Variants in MSN observed in about 807,000 individuals in gnomAD.
MSN encodes epididymis luminal protein 70.
Under a neutral mutation model 48.0 loss-of-function variants are expected in MSN, and 2 were observed. The ratio of observed to expected loss-of-function variants is 0.04; its 90% CI spans 0.02 to 0.13. The LOEUF is 0.13. Among genes scored for constraint, MSN ranks in the 10% least tolerant of loss-of-function variants. MSN has a pLI of 1.00. For synonymous variants in MSN, 146 were observed against 166.9 expected (o/e 0.87, Z 0.97); for missense variants, 267 against 470.1 (o/e 0.57, Z 3.99).
intron 1 of MSN, among the ~76,000 whole-genome samples, chrX:65,611,061 C>T (rs779557299): frequency 9.0e-6 from 1 of 111,584 alleles, no homozygotes; most frequent in Non-Finnish European, 1.9e-5. Context: ...CCTAGGGAAA[C>T]CATAATTTTT....
chrX:65,693,031 G>A (rs756537527), intron 1 of MSN, among the ~76,000 whole-genome samples: 15 of 112,004 alleles, frequency 1.3e-4, no homozygotes, highest in Non-Finnish European at 2.3e-4. Flanking sequence ...CTGTGCTTTA[G>A]ACTGCCAATT....
At chrX:65,649,075 C>T (rs1048817762) in intron 1 of MSN, among the ~76,000 whole-genome samples, 5 of 107,961 alleles carry the variant, frequency 4.6e-5, no homozygotes, top group African/African-American at 1.7e-4. Context: ...CAACTTACTA[C>T]TTCTTTTTAC....
chrX:65,642,362 T>A (rs1042495000), intron 1 of MSN, among the ~76,000 whole-genome samples: 7 of 109,076 alleles, frequency 6.4e-5, no homozygotes, highest in Non-Finnish European at 1.1e-4. Flanking sequence ...TGTGTGTGTG[T>A]GTGTGTGTGT....
chrX:65,700,513 A>G (rs949241999), intron 1 of MSN, among the ~76,000 whole-genome samples: 2 of 111,615 alleles, frequency 1.8e-5, no homozygotes, highest in Middle Eastern at 4.6e-3. Context: ...ACTGGGCACA[A>G]TTAGGTGCCC....
chrX:65,637,097 A>T (rs2070610325), intron 1 of MSN, among the ~76,000 whole-genome samples: 1 of 105,670 alleles, frequency 9.5e-6, no homozygotes, highest in Non-Finnish European at 1.9e-5. Flanking sequence ...CTCAAAAAAA[A>T]AAAAAAGAAA....
intron 1 of MSN, chrX:65,588,696 G>A: frequency 9.8e-6 from 7 of 711,606 alleles, no homozygotes; most frequent in Non-Finnish European, 1.2e-5. Context: ...TTGCCCTCAG[G>A]GACAAACATG....
chrX:65,649,631 GT>G (rs2070725141), intron 1 of MSN, among the ~76,000 whole-genome samples: 1 of 103,969 alleles, frequency 9.6e-6, no homozygotes, highest in Non-Finnish European at 2.0e-5. Context: ...GTGTATGCGC[GT>G]GTGTATATGT....
rs768602334 is a variant in MSN, at chrX:65,596,663, C to T, written c.-22+8051C>T. 2.5e-3 allele frequency among the ~76,000 whole-genome samples: 257 copies of T among 103,825 alleles called. 2 individuals carry two copies. The highest frequency in any genetic ancestry group is 5.2e-3 in the Admixed American group (50 of 9,614). 90.2% of individuals were successfully genotyped at this position (103,825 alleles called of 115,157 possible). On this transcript the variant is annotated intron_variant, in intron 1 of 3. Coordinates refer to the MSN transcript ENST00000609672. Reference sequence around the variant, plus strand: ...GAGCCAGATGAGGCAGATACCATTACCTCTTCTTTTATAAAGAAGAAACTC... The same window carrying T: ...GAGCCAGATGAGGCAGATACCATTATCTCTTCTTTTATAAAGAAGAAACTC...
intron 1 of MSN, among the ~76,000 whole-genome samples, chrX:65,691,686 A>G (rs946280318): frequency 9.0e-6 from 1 of 110,911 alleles, no homozygotes; most frequent in Non-Finnish European, 1.9e-5. Context: ...TTGTATTTTT[A>G]GTAGAGATGG....
chrX:65,718,556 G>A (rs1221153358), intron 2 of MSN, among the ~76,000 whole-genome samples: 1 of 111,540 alleles, frequency 9.0e-6, no homozygotes, highest in Non-Finnish European at 1.9e-5. Flanking sequence ...GACGTGATGT[G>A]GTGGCTCATG....
chrX:65,665,837 G>A (rs894404867), upstream of MSN, among the ~76,000 whole-genome samples: 2 of 111,377 alleles, frequency 1.8e-5, no homozygotes, highest in African/African-American at 6.5e-5. Context: ...AGAGCTATAC[G>A]TAGAAGCCAG....
intron 1 of MSN, among the ~76,000 whole-genome samples, chrX:65,596,720 A>T (rs1166693329): frequency 9.5e-6 from 1 of 104,795 alleles, no homozygotes; most frequent in African/African-American, 3.5e-5. Flanking sequence ...ATGAGGGGGG[A>T]CCTGAACTGG....
chrX:65,618,276 C>G (rs1227235517), intron 1 of MSN, among the ~76,000 whole-genome samples: 1 of 111,110 alleles, frequency 9.0e-6, no homozygotes, highest in Admixed American at 9.6e-5. Context: ...GACTTTCTGT[C>G]TTGTTGATCT....
At chrX:65,734,124 C>T (rs776997856) in intron 7 of MSN, among the ~76,000 whole-genome samples, 3 of 112,240 alleles carry the variant, frequency 2.7e-5, no homozygotes. Context: ...CTAACACACT[C>T]GCCATGCTTC....
intron 1 of MSN, among the ~76,000 whole-genome samples, chrX:65,623,824 A>C (rs1233996260): frequency 9.1e-6 from 1 of 109,529 alleles, no homozygotes; most frequent in East Asian, 2.8e-4. Flanking sequence ...AAAAAAAAAA[A>C]AAAATTTTGG....
intron 1 of MSN, among the ~76,000 whole-genome samples, chrX:65,609,629 A>G (rs1278274455): frequency 9.0e-6 from 1 of 111,709 alleles, no homozygotes; most frequent in African/African-American, 3.3e-5. Flanking sequence ...CATGTCTGTA[A>G]TCCCAGCACT....
At chrX:65,668,919 C>T (rs927976075) in intron 1 of MSN, among the ~76,000 whole-genome samples, 2 of 111,249 alleles carry the variant, frequency 1.8e-5, no homozygotes, top group African/African-American at 6.5e-5. Context: ...ACTGCTTGAG[C>T]CTTGTAGAGG....
At chrX:65,676,316 G>A (rs1336170076) in intron 1 of MSN, among the ~76,000 whole-genome samples, 1 of 111,911 alleles carries the variant, frequency 8.9e-6, no homozygotes, top group Non-Finnish European at 1.9e-5. Context: ...CCTTTCAATC[G>A]GCTTGTTGTG....
intron 1 of MSN, among the ~76,000 whole-genome samples, chrX:65,619,835 G>A (rs1220085917): frequency 9.2e-6 from 1 of 108,761 alleles, no homozygotes; most frequent in Non-Finnish European, 1.9e-5. Flanking sequence ...CCATCTTTGT[G>A]GTTTTATCTA....
Sources: gnomAD v4.1 joint callset for allele counts (sites outside exome capture counted in the v4.1 genomes callset) on GRCh38, gnomAD v4.1.1 for gene constraint, MANE v1.5 for transcripts, NCBI Gene and HGNC (gene_info 2026-07-23, HGNC 2026-07-21) for gene names.